Variants in PANX1 observed in about 807,000 individuals in gnomAD.
PANX1 encodes the protein pannexin 1.
In PANX1, 30 loss-of-function variants were observed where a neutral mutation model predicts 38.7. The observed-to-expected ratio is 0.78, with a 90% CI of 0.58 to 1.05. PANX1 has a LOEUF of 1.05. Ranked by LOEUF, PANX1 falls within the 50% of genes least tolerant of loss-of-function variation. The pLI is 0.00. For missense variants in PANX1, 551 were observed against 517.2 expected, an observed-to-expected ratio of 1.07 and a Z score of -0.63; for synonymous variants, 230 against 212.2, an observed-to-expected ratio of 1.08 and a Z score of -0.73.
chr11:94,172,010 C>G (rs1187269633), intron 2 of PANX1, among the ~76,000 whole-genome samples: 1 of 150,452 alleles, frequency 6.6e-6, no homozygotes, highest in African/African-American at 2.5e-5. Flanking sequence ...CCGTTTTTGA[C>G]TGAAAAAAAC....
chr11:94,170,744 A>G (rs529755086), intron 2 of PANX1, among the ~76,000 whole-genome samples: 3 of 151,818 alleles, frequency 2.0e-5, no homozygotes, highest in Admixed American at 2.0e-4. Flanking sequence ...CCTTCTTCAG[A>G]TTTCAGACAT....
At chr11:94,141,882 C>G (rs901151255) in intron 1 of PANX1, among the ~76,000 whole-genome samples, 7 of 152,092 alleles carry the variant, frequency 4.6e-5, no homozygotes, top group African/African-American at 1.4e-4. Flanking sequence ...AATTAGCGCT[C>G]GAAGCACTGG....
Position 94,179,474 on chromosome 11 carries a change from T to A in PANX1, c.546-128T>A, listed in dbSNP as rs1947276515. 16 of 625,972 alleles carry A rather than the reference T, an allele frequency of 2.6e-5. No individual in the cohort carries two copies. In the South Asian group the frequency reaches 3.3e-4, roughly 13 times the overall value. The allele number at this position is 625,972 out of a possible 1,614,324, so 38.8% of individuals were successfully genotyped here. On this transcript the variant is annotated intron_variant, in intron 3 of 4. Coordinates refer to ENST00000227638, the MANE Select transcript of PANX1 (RefSeq NM_015368.4). ...TTAAACGGATTTTATTTTTGACTAC[T>A]GACGTTGTAGGTAAAGAAGTATGGG...
chr11:94,137,665 G>A (rs190830435), intron 1 of PANX1, among the ~76,000 whole-genome samples: 1 of 149,872 alleles, frequency 6.7e-6, no homozygotes, highest in African/African-American at 2.5e-5. Flanking sequence ...CTAGTTCTGT[G>A]GGGGGTGAAA....
rs142234800 is a variant in PANX1, at chr11:94,171,499, T to C, written c.322-6870T>C. ...GTCCATAGTGGGTGCTTGAAGACTATATGCGGAAGGGAAGAGGGCAGTGAG... is the reference window on the plus strand; with the variant it reads ...GTCCATAGTGGGTGCTTGAAGACTACATGCGGAAGGGAAGAGGGCAGTGAG... On this transcript the variant is annotated intron_variant, in intron 2 of 4. Transcript: ENST00000227638. Among the ~76,000 whole-genome samples, 7 of 151,666 alleles carry C rather than the reference T, an allele frequency of 4.6e-5. No homozygotes were observed. The East Asian group carries it at 1.4e-3, about 29-fold the overall frequency.
rs940050820 is a variant in PANX1 at position 94,179,721 on chromosome 11, T to A, written c.665T>A (p.Ile222Asn). The A allele has an allele frequency of 6.2e-7, 1 of 1,613,852 alleles. No homozygotes were observed. The highest frequency in any genetic ancestry group is 8.5e-7 in the Non-Finnish European group (1 of 1,179,908). The part of the protein sequence containing the change: ...KYISCRLLTL[I>N]IILLACIYLG... ...ATTAGCTGCCGCCTGCTGACACTCA[T>A]CATTATACTGTTAGCGTGTATCTAC... The change falls in exon 4 of 5, where the codon ATC becomes AAC. Residue 222 changes from isoleucine (I) to asparagine (N), a missense_variant. Coordinates refer to ENST00000227638, the MANE Select transcript of PANX1 (RefSeq NM_015368.4).
chr11:94,161,840 C>A lies in PANX1; in HGVS notation c.321+8210C>A, dbSNP rs905068038. On this transcript the variant is annotated intron_variant, in intron 2 of 4. Coordinates refer to ENST00000227638, the MANE Select transcript of PANX1 (RefSeq NM_015368.4). ...TATTTCTGCTCTGTTTTTTCCCCAT[C>A]TTTGTGGTTTTATCTACCTTTGGTC... Among the ~76,000 whole-genome samples the A allele has an allele frequency of 2.0e-5, 3 of 152,148 alleles. 1 individual carries two copies. The highest frequency in any genetic ancestry group is 4.1e-4 in the South Asian group (2 of 4,822).
At chr11:94,169,919 T>C (rs1360873095) in intron 2 of PANX1, among the ~76,000 whole-genome samples, 1 of 151,710 alleles carries the variant, frequency 6.6e-6, no homozygotes, top group Non-Finnish European at 1.5e-5. Flanking sequence ...GAAATGAAGA[T>C]TCAGCCTAAT....
intron 1 of PANX1, among the ~76,000 whole-genome samples, chr11:94,137,172 C>T (rs7117339): frequency 0.12 from 18,700 of 152,020 alleles, 1,181 homozygotes; most frequent in Admixed American, 0.15. Context: ...GGTGTGGTGG[C>T]GCATGCCTGT....
rs1389197146 is a variant in PANX1, at chr11:94,181,715, A to G, written c.*846A>G. The stretch of plus-strand genomic sequence containing the variant: ...TTTGAAATAGGATTTTACTTAAACA[A>G]TAATGGAACACAGGAGTATTTAAAG... On this transcript the variant is annotated 3_prime_UTR_variant, in exon 5 of 5. Transcript: ENST00000227638. 2.0e-5 allele frequency: 3 copies of G among 152,242 alleles called. No individual in the cohort carries two copies. Among genetic ancestry groups the G allele is most frequent in the Non-Finnish European group, 2.9e-5 (2 of 68,048 alleles). The allele number at this position is 152,242 out of a possible 1,614,324, so 9.4% of individuals were successfully genotyped here.
intron 2 of PANX1, among the ~76,000 whole-genome samples, chr11:94,165,380 G>C (rs1420349448): frequency 6.7e-6 from 1 of 150,328 alleles, no homozygotes; most frequent in Non-Finnish European, 1.5e-5. Flanking sequence ...AAGTTTTAGG[G>C]TACATGTGCA....
intron 4 of PANX1, among the ~76,000 whole-genome samples, chr11:94,180,504 C>T (rs1947293277): frequency 6.6e-6 from 1 of 152,126 alleles, no homozygotes; most frequent in Non-Finnish European, 1.5e-5. Context: ...GTTTTTCCCT[C>T]TTCTCTGTCT....
chr11:94,144,701 C>G (rs1190689273), intron 1 of PANX1, among the ~76,000 whole-genome samples: 1 of 152,158 alleles, frequency 6.6e-6, no homozygotes. Flanking sequence ...CTTCTCCACT[C>G]CACCCAGCCT....
At chr11:94,165,722 C>T (rs558340260) in intron 2 of PANX1, among the ~76,000 whole-genome samples, 6 of 152,100 alleles carry the variant, frequency 3.9e-5, no homozygotes, top group African/African-American at 1.4e-4. Flanking sequence ...ACCAGCCTGC[C>T]CAACATGGAG....
intron 1 of PANX1, among the ~76,000 whole-genome samples, chr11:94,135,643 G>A (rs1303803761): frequency 1.3e-5 from 2 of 152,176 alleles, no homozygotes; most frequent in Admixed American, 1.3e-4. Flanking sequence ...AAGGATGCAT[G>A]CTGTCCAGAG....
chr11:94,178,722 C>G (rs546445976), intron 3 of PANX1, 130 bp downstream of exon 3: 2 of 665,306 alleles, frequency 3.0e-6, no homozygotes, highest in South Asian at 3.5e-5. Context: ...GGACGTCATG[C>G]ACCTAGTGAC....
chr11:94,132,183 T>C (rs1416677994), intron 1 of PANX1, among the ~76,000 whole-genome samples: 2 of 149,654 alleles, frequency 1.3e-5, no homozygotes, highest in Non-Finnish European at 1.5e-5. Flanking sequence ...TTGATTGTTA[T>C]GTGCATGATG....
At chr11:94,166,849 G>C (rs1178326211) in intron 2 of PANX1, among the ~76,000 whole-genome samples, 8 of 152,144 alleles carry the variant, frequency 5.3e-5, no homozygotes, top group Non-Finnish European at 1.0e-4. Flanking sequence ...TGATGCAGGT[G>C]TTCCCATGGC....
At chr11:94,145,881 G>A (rs915567735) in intron 1 of PANX1, among the ~76,000 whole-genome samples, 1 of 152,174 alleles carries the variant, frequency 6.6e-6, no homozygotes, top group East Asian at 1.9e-4. Context: ...AGAACCCAGT[G>A]GTAGTGGATT....
Sources: allele counts gnomAD v4.1 joint callset (sites outside exome capture counted in the v4.1 genomes callset), GRCh38; gene constraint gnomAD v4.1.1; transcripts MANE v1.5; gene names NCBI Gene and HGNC (gene_info 2026-07-23, HGNC 2026-07-21).